WARS1: variants seen among roughly 807,000 people sequenced by gnomAD.
The protein encoded by WARS1 is tryptophan--tRNA ligase, cytoplasmic.
A neutral mutation model predicts 47.8 loss-of-function variants in WARS1; 17 were observed. The ratio of observed to expected loss-of-function variants is 0.36; its 90% CI spans 0.24 to 0.53. WARS1 has a LOEUF of 0.53. Ranked by LOEUF, WARS1 falls within the 20% of genes least tolerant of loss-of-function variation. The pLI is 0.91. For synonymous variants in WARS1, 208 were observed against 228.1 expected, an observed-to-expected ratio of 0.91 and a Z score of 0.79; for missense variants, 434 against 608.0, an observed-to-expected ratio of 0.71 and a Z score of 3.01.
rs956500963 is a variant in WARS1 at position 100,340,880 on chromosome 14, G to A, written c.1113+1518C>T. ...ACTGGTCCCTAAGTGAATGATAAATGTCCCAGATCCATAAACAAGTTTTTC... is the reference window on the plus strand; with the variant it reads ...ACTGGTCCCTAAGTGAATGATAAATATCCCAGATCCATAAACAAGTTTTTC... On this transcript the variant is annotated intron_variant, in intron 9 of 10. Transcript: ENST00000392882. Among the ~76,000 whole-genome samples the A allele has an allele frequency of 3.3e-5, 5 of 151,462 alleles. No homozygotes were observed. The South Asian group carries it at 8.4e-4, about 26-fold the overall frequency.
In WARS1 at chr14:100,334,406, C is replaced by T. The variant is rs1566829439; in HGVS notation, c.*469G>A. 6.6e-6 allele frequency: 1 copy of T among 152,398 alleles called. No homozygotes were observed. Among genetic ancestry groups the T allele is most frequent in the Admixed American group, 6.5e-5 (1 of 15,282 alleles). The allele number at this position is 152,398 out of a possible 1,614,324, so 9.4% of individuals were successfully genotyped here. On this transcript the variant is annotated 3_prime_UTR_variant, in exon 11 of 11. Coordinates refer to ENST00000392882, the MANE Select transcript of WARS1 (RefSeq NM_004184.4). Reference sequence around the variant, plus strand: ...GGCATGGGCTGAAATACATCTTGTGCTCAATAAACCTCCCCACATCAATAT... The same window carrying T: ...GGCATGGGCTGAAATACATCTTGTGTTCAATAAACCTCCCCACATCAATAT...
chr14:100,334,916 C>G lies in WARS1; in HGVS notation c.1375G>C (p.Glu459Gln), dbSNP rs952755077. 3 of 1,614,070 alleles carry G rather than the reference C, an allele frequency of 1.9e-6. No homozygotes were observed. Among genetic ancestry groups the G allele is most frequent in the South Asian group, 1.1e-5 (1 of 91,090 alleles). ...GACAGCTTCCGGGGAGTCATGAACT[C>G]TTTCACTATCTCATCCGTGACCTCC... is the stretch of plus-strand genomic sequence containing the variant. ...RKEVTDEIVK[E>Q]FMTPRKLSFD... Residue 459 changes from glutamate (E) to glutamine (Q), a missense_variant, in exon 11 of 11, where the codon GAG becomes CAG. Physicochemically the swap from Glu to Gln is conservative, Grantham distance 29. This residue lies in a region of WARS1 where 347 missense variants were observed against 523.8 expected (regional missense o/e 0.66). Coordinates refer to ENST00000392882, the MANE Select transcript of WARS1 (RefSeq NM_004184.4).
intron 2 of WARS1, among the ~76,000 whole-genome samples, chr14:100,367,157 T>G (rs1303707884): frequency 6.6e-6 from 1 of 151,542 alleles, no homozygotes; most frequent in Admixed American, 6.6e-5. Context: ...TTAAAAATGA[T>G]AGCAGAAATG....
At position 100,353,812 on chromosome 14, in the gene WARS1, C is replaced by G; in HGVS notation, c.600G>C (p.Lys200Asn). 1 of 1,614,182 alleles carries G rather than the reference C, an allele frequency of 6.2e-7. No homozygotes were observed. The highest frequency in any genetic ancestry group is 8.5e-7 in the Non-Finnish European group (1 of 1,180,044). The change falls in exon 6 of 11, where the codon AAG (lysine) becomes AAC (asparagine). Residue 200 changes from lysine (K) to asparagine (N), a missense_variant. By Grantham distance (94) the Lys-to-Asn change is moderately conservative. This residue lies in a region of WARS1 where 347 missense variants were observed against 523.8 expected (regional missense o/e 0.66). Coordinates refer to ENST00000392882, the MANE Select transcript of WARS1 (RefSeq NM_004184.4). ...PLVIQMTDDEKYLWKDLTLDQ... is the reference protein window; with the variant it reads ...PLVIQMTDDENYLWKDLTLDQ... ...CCAGGGTCAGGTCCTTCCACAGATACTTCTCGTCATCCGTCATCTGGATGA... is the reference window on the plus strand; with the variant it reads ...CCAGGGTCAGGTCCTTCCACAGATAGTTCTCGTCATCCGTCATCTGGATGA...
chr14:100,343,521 T>A (rs1160281354), intron 7 of WARS1, 134 bp from the exon 8 acceptor site: 7 of 616,582 alleles, frequency 1.1e-5, no homozygotes, highest in Non-Finnish European at 1.9e-5. Context: ...TACAGAAAAG[T>A]AGAAAGAACA....
At chr14:100,372,784 A>G (rs1040493595) in intron 1 of WARS1, among the ~76,000 whole-genome samples, 1 of 152,166 alleles carries the variant, frequency 6.6e-6, no homozygotes, top group Non-Finnish European at 1.5e-5. Context: ...TGATGGCTCC[A>G]TTACCAGGGA....
rs1893784993 is a variant in WARS1 at position 100,337,059 on chromosome 14, C to T, written c.1254+3G>A. The T allele has an allele frequency of 1.2e-6, 2 of 1,611,396 alleles. No homozygotes were observed. Among genetic ancestry groups the T allele is most frequent in the Non-Finnish European group, 8.5e-7 (1 of 1,177,692 alleles). ...CTGTGGGCCCTTGGGGTTCCCTGCT[C>T]ACCTTCCTGATCTGCTCGAGCTTGT... On this transcript the variant is annotated splice_donor_region_variant and intron_variant, in intron 10 of 10. Coordinates refer to ENST00000392882, the MANE Select transcript of WARS1 (RefSeq NM_004184.4).
In WARS1 at chr14:100,371,447, C is replaced by CAAAAAAAAAAAAAAAAAAAAAAAAAAAAA. The variant is rs60977618; in HGVS notation, c.-73-2190_-73-2189insTTTTTTTTTTTTTTTTTTTTTTTTTTTTT. ...CCTGGGTGACAGAAAGGTTCTGTCT[C>CAAAAAAAAAAAAAAAAAAAAAAAAAAAAA]AAAAAAAAAAAAAAAAAAAAGTAGG... is the stretch of plus-strand genomic sequence containing the variant. On this transcript the variant is annotated intron_variant, in intron 1 of 10. Coordinates refer to ENST00000392882, the MANE Select transcript of WARS1 (RefSeq NM_004184.4). Among the ~76,000 whole-genome samples, 97 of 89,086 alleles carry CAAAAAAAAAAAAAAAAAAAAAAAAAAAAA rather than the reference C, an allele frequency of 1.1e-3. 9 individuals are homozygous for CAAAAAAAAAAAAAAAAAAAAAAAAAAAAA. The highest frequency in any genetic ancestry group is 1.9e-3 in the Non-Finnish European group (65 of 34,692). 58.4% of individuals were successfully genotyped at this position (89,086 alleles called of 152,430 possible). A position where few individuals can be genotyped will look rare whatever the true frequency, so the allele number is the denominator to read the frequency against.
intron 1 of WARS1, among the ~76,000 whole-genome samples, chr14:100,370,016 C>T (rs941931): frequency 0.69 from 104,905 of 151,912 alleles, 37,408 homozygotes; most frequent in Admixed American, 0.81. Context: ...TGGGCTTTTG[C>T]AGCCATAACT....
At chr14:100,365,906 T>C (rs1184299667) in intron 2 of WARS1, 4 of 420,070 alleles carry the variant, frequency 9.5e-6, no homozygotes, top group South Asian at 7.0e-5. Flanking sequence ...GTGTACACTG[T>C]TACGGAATCA....
chr14:100,336,660 G>A (rs973311313), intron 10 of WARS1, among the ~76,000 whole-genome samples: 3 of 152,184 alleles, frequency 2.0e-5, no homozygotes, highest in African/African-American at 4.8e-5. Flanking sequence ...GCTTCCTGAG[G>A]CTGTGCTGAT....
At chr14:100,365,725 CTTCTT>C (rs1265165889) in intron 2 of WARS1, 13 of 141,486 alleles carry the variant, frequency 9.2e-5, no homozygotes, top group Non-Finnish European at 1.3e-4. Flanking sequence ...AAGCAGAGAT[CTTCTT>C]TTTTTTTTTT....
intron 2 of WARS1, 46 bp downstream of exon 2, chr14:100,369,041 T>C: frequency 7.0e-7 from 1 of 1,418,554 alleles, no homozygotes; most frequent in Non-Finnish European, 9.5e-7. Flanking sequence ...CCTACAGACT[T>C]GGGAGGCTCA....
rs1385131461 is a variant in WARS1, at chr14:100,334,835, T to G, written c.*40A>C. The G allele has an allele frequency of 6.2e-7, 1 of 1,605,738 alleles. No homozygotes were observed. Among genetic ancestry groups the G allele is most frequent in the Non-Finnish European group, 8.5e-7 (1 of 1,174,474 alleles). ...TGGGCTGGGATTATTGATACATTAC[T>G]GATACATCACTTCTTTTATAAGCAT... On this transcript the variant is annotated 3_prime_UTR_variant, in exon 11 of 11. Transcript: ENST00000392882.
intron 2 of WARS1, among the ~76,000 whole-genome samples, chr14:100,368,871 G>A (rs954987925): frequency 2.6e-5 from 4 of 152,188 alleles, no homozygotes; most frequent in African/African-American, 9.7e-5. Flanking sequence ...TGAGGCAGGA[G>A]AGTCACTTGA....
At position 100,334,232 on chromosome 14, in the gene WARS1, A is replaced by G. The variant is rs1893556262; in HGVS notation, c.*643T>C. 1 of 152,646 alleles carries G rather than the reference A, an allele frequency of 6.6e-6. No individual in the cohort carries two copies. Among genetic ancestry groups the G allele is most frequent in the Non-Finnish European group, 1.5e-5 (1 of 68,052 alleles). 9.5% of individuals were successfully genotyped at this position (152,646 alleles called of 1,614,324 possible). ...CTACATGCATGGTCTGGAGTTCAGTAAACTGGAAAGTTTCACCCCCAAGTC... is the reference window on the plus strand; with the variant it reads ...CTACATGCATGGTCTGGAGTTCAGTGAACTGGAAAGTTTCACCCCCAAGTC... On this transcript the variant is annotated 3_prime_UTR_variant, in exon 11 of 11. Coordinates refer to ENST00000392882, the MANE Select transcript of WARS1 (RefSeq NM_004184.4).
At position 100,356,396 on chromosome 14, in the gene WARS1, T is replaced by TA. The variant is rs772938654; in HGVS notation, c.423-1831_423-1830insT. On this transcript the variant is annotated intron_variant, in intron 4 of 10. Coordinates refer to ENST00000392882, the MANE Select transcript of WARS1 (RefSeq NM_004184.4). The stretch of plus-strand genomic sequence containing the variant: ...CAAAGTGACTGGGTGTGTGTGTGTG[T>TA]GTGGGGGGGGGTGTGGAATAAAAGA... Among the ~76,000 whole-genome samples the TA allele has an allele frequency of 8.4e-4, 83 of 98,894 alleles. 2 individuals are homozygous for TA. The highest frequency in any genetic ancestry group is 2.7e-3 in the African/African-American group (74 of 27,118). 64.9% of individuals were successfully genotyped at this position (98,894 alleles called of 152,430 possible).
intron 4 of WARS1, among the ~76,000 whole-genome samples, chr14:100,355,105 C>G (rs1455423754): frequency 6.6e-6 from 1 of 152,194 alleles, no homozygotes; most frequent in Non-Finnish European, 1.5e-5. Flanking sequence ...CTGCAAGTCA[C>G]TCAAGAGTCA....
At chr14:100,365,565 G>C (rs1221432375) in intron 2 of WARS1, 3 of 155,124 alleles carry the variant, frequency 1.9e-5, no homozygotes, top group African/African-American at 3.0e-5. Flanking sequence ...GGGCGACAGA[G>C]TGAGACTCAG....
Sources: gnomAD v4.1 joint callset for allele counts (sites outside exome capture counted in the v4.1 genomes callset) on GRCh38, gnomAD v4.1.1 for gene constraint, gnomAD v4.1.1 regional missense constraint, MANE v1.5 for transcripts, NCBI Gene and HGNC (gene_info 2026-07-23, HGNC 2026-07-21) for gene names.